The following UPF1 variants were observed in gnomAD, a reference collection of about 807,000 sequenced individuals.
The protein encoded by UPF1 is regulator of nonsense transcripts 1.
UPF1 carries 9 observed loss-of-function variants against 129.2 expected under a neutral mutation model. The observed-to-expected ratio is 0.07, with a 90% CI of 0.04 to 0.12. The LOEUF is 0.12. UPF1 is among the 10% of genes least tolerant of loss of function. The pLI is 1.00. For synonymous variants in UPF1, 649 were observed against 644.9 expected, an observed-to-expected ratio of 1.01 and a Z score of -0.10; for missense variants, 788 against 1,525.3, an observed-to-expected ratio of 0.52 and a Z score of 8.05.
At chr19:18,862,688 C>T (rs1411974356) in intron 18 of UPF1, among the ~76,000 whole-genome samples, 3 of 152,094 alleles carry the variant, frequency 2.0e-5, no homozygotes, top group South Asian at 2.1e-4. Context: ...AAAAATGAGC[C>T]GGGCGTGGTG....
At position 18,852,963 on chromosome 19, in the gene UPF1, G is replaced by A. The variant is rs754285941; in HGVS notation, c.973-24G>A. 2.5e-6 allele frequency: 4 copies of A among 1,602,822 alleles called. No individual in the cohort carries two copies. In the South Asian group the frequency reaches 4.4e-5, roughly 18 times the overall value. ...CGGGCCTGTGCTGGAGGCTAACCGG[G>A]GCTCTTGTTTTTCATGTGCTCAGAC... On this transcript the variant is annotated intron_variant, in intron 6 of 23. Coordinates refer to ENST00000262803, the MANE Select transcript of UPF1 (RefSeq NM_002911.4).
chr19:18,854,842 A>T, intron 9 of UPF1, 37 bp from the exon 10 acceptor site: 2 of 1,612,184 alleles, frequency 1.2e-6, no homozygotes, highest in Non-Finnish European at 1.7e-6. Context: ...AGGCGGCCAC[A>T]GCTGTGCGTG....
intron 1 of UPF1, among the ~76,000 whole-genome samples, chr19:18,839,879 T>G (rs1034778893): frequency 3.3e-5 from 5 of 151,736 alleles, no homozygotes; most frequent in African/African-American, 9.7e-5. Flanking sequence ...GGAGTAGGAG[T>G]GGGCTCCCCT....
Position 18,851,675 on chromosome 19 carries a change from C to T in UPF1, c.811-460C>T, listed in dbSNP as rs1056319671. ...GTTGGTCTGGCTCAGGGTTAGCAGA[C>T]GTGGGAGACAGGCCTCCCGGGCTGT... On this transcript the variant is annotated intron_variant, in intron 5 of 23. Transcript: ENST00000262803. This position sits in a 1 kb window ranked among gnomAD's most constrained non-coding sequence, Gnocchi z 4.2. 4.6e-5 allele frequency among the ~76,000 whole-genome samples: 7 copies of T among 152,224 alleles called. No homozygotes were observed. Among genetic ancestry groups the T allele is most frequent in the Non-Finnish European group, 1.0e-4 (7 of 68,042 alleles).
chr19:18,843,987 C>T (rs981196355), intron 1 of UPF1, among the ~76,000 whole-genome samples: 5 of 151,960 alleles, frequency 3.3e-5, no homozygotes, highest in Admixed American at 6.6e-5. Flanking sequence ...CGGGCTCAAG[C>T]GATCCTCCCA....
chr19:18,840,456 C>T (rs548938299), intron 1 of UPF1, among the ~76,000 whole-genome samples: 2 of 152,244 alleles, frequency 1.3e-5, no homozygotes, highest in South Asian at 4.2e-4. Flanking sequence ...CTCCCCAGAG[C>T]GGCTGCAAGG....
At chr19:18,860,276 C>A in intron 15 of UPF1, 45 bp from the exon 16 acceptor site, 1 of 1,592,036 alleles carries the variant, frequency 6.3e-7, no homozygotes. Flanking sequence ...TCATTTGAGG[C>A]GGGCTAGGGC....
In UPF1 at chr19:18,850,307, T is replaced by TGGCCC. The variant is rs545307857; in HGVS notation, c.629+66_629+70dup. On this transcript the variant is annotated intron_variant, in intron 4 of 23. Transcript: ENST00000262803. The surrounding 1 kb of genome is among the most constrained non-coding windows in gnomAD (Gnocchi z 7.1). ...GCTCCAGCCGTCTCCTCACAAGCCTTGGCCCAGCCCAGCCCAGCCGTGGCT... is the reference window on the plus strand; with the variant it reads ...GCTCCAGCCGTCTCCTCACAAGCCTTGGCCCGGCCCAGCCCAGCCCAGCCGTGGCT... The TGGCCC allele has an allele frequency of 6.6e-6, 10 of 1,515,730 alleles. No homozygotes were observed. Among genetic ancestry groups the TGGCCC allele is most frequent in the Non-Finnish European group, 8.8e-6 (10 of 1,134,508 alleles). 93.9% of individuals were successfully genotyped at this position (1,515,730 alleles called of 1,614,324 possible). A position where few individuals can be genotyped will look rare whatever the true frequency, so the allele number is the denominator to read the frequency against.
At chr19:18,858,208 G>T (rs770785289) in intron 15 of UPF1, among the ~76,000 whole-genome samples, 5 of 152,236 alleles carry the variant, frequency 3.3e-5, no homozygotes, top group Non-Finnish European at 7.3e-5. Context: ...GTGTTGGGCA[G>T]ACTTTTTCCA....
At chr19:18,846,507 G>A (rs1221745261) in intron 2 of UPF1, among the ~76,000 whole-genome samples, 1 of 152,104 alleles carries the variant, frequency 6.6e-6, no homozygotes, top group Non-Finnish European at 1.5e-5. Flanking sequence ...AGTTGCTGCA[G>A]GGTTCTGGGG....
chr19:18,838,827 G>A (rs746080286), intron 1 of UPF1, among the ~76,000 whole-genome samples: 1 of 152,142 alleles, frequency 6.6e-6, no homozygotes, highest in Non-Finnish European at 1.5e-5. Flanking sequence ...CAAATTGTTA[G>A]GAGTTTCCCA....
rs993656291 is a variant in UPF1, at chr19:18,864,161, C to T, written c.2776-9C>T. 1.2e-6 allele frequency: 2 copies of T among 1,613,724 alleles called. No individual in the cohort carries two copies. The highest frequency in any genetic ancestry group is 1.7e-6 in the Non-Finnish European group (2 of 1,179,642). Reference sequence around the variant, plus strand: ...ATGACAAATTCCTCACCTATCTAAACCTTCGCAGGGAGCCCGCTTCATGAC... The same window carrying T: ...ATGACAAATTCCTCACCTATCTAAATCTTCGCAGGGAGCCCGCTTCATGAC... On this transcript the variant is annotated splice_polypyrimidine_tract_variant and intron_variant, in intron 19 of 23. Transcript: ENST00000262803.
rs753936939 is a variant in UPF1, at chr19:18,847,760, G to A, written c.388G>A (p.Asp130Asn). 1.2e-6 allele frequency: 2 copies of A among 1,614,074 alleles called. No homozygotes were observed. The highest frequency in any genetic ancestry group is 1.1e-5 in the South Asian group (1 of 91,092). ...IHACSYCGIH[D>N]PACVVYCNTS... ...ATTTTTTAGTTACTGTGGAATACACGATCCTGCCTGCGTGGTTTACTGTAA... is the reference window on the plus strand; with the variant it reads ...ATTTTTTAGTTACTGTGGAATACACAATCCTGCCTGCGTGGTTTACTGTAA... Residue 130 changes from aspartate to asparagine, a missense_variant, in exon 3 of 24, where the codon GAT (aspartate) becomes AAT (asparagine). Physicochemically the swap from Asp to Asn is conservative, Grantham distance 23. Transcript: ENST00000262803.
chr19:18,861,009 G>T, intron 17 of UPF1, 27 bp downstream of exon 17: 2 of 1,553,360 alleles, frequency 1.3e-6, no homozygotes, highest in African/African-American at 2.7e-5. Flanking sequence ...GGCACACTTG[G>T]TCTCCTGGGC....
At chr19:18,856,327 G>A (rs2055717614) in intron 13 of UPF1, 27 bp downstream of exon 13, 2 of 1,569,246 alleles carry the variant, frequency 1.3e-6, no homozygotes, top group Admixed American at 1.8e-5. Flanking sequence ...CCTGCAAAAG[G>A]GCCTGTGGGC....
intron 16 of UPF1, among the ~76,000 whole-genome samples, 193 bp downstream of exon 16, chr19:18,860,631 T>C (rs1488276230): frequency 6.6e-6 from 1 of 152,236 alleles, no homozygotes; most frequent in Non-Finnish European, 1.5e-5. Context: ...GGGCAGATAC[T>C]TGCTAATCCC....
intron 15 of UPF1, among the ~76,000 whole-genome samples, chr19:18,857,994 C>G (rs1799693443): frequency 1.3e-5 from 2 of 152,202 alleles, no homozygotes; most frequent in Non-Finnish European, 2.9e-5. Flanking sequence ...TGGTGACCCC[C>G]TGGTGCTTCT....
chr19:18,860,475 T>C (rs755974887), intron 16 of UPF1, 37 bp downstream of exon 16: 2 of 1,596,736 alleles, frequency 1.3e-6, no homozygotes, highest in Non-Finnish European at 8.6e-7. Flanking sequence ...CTGCAGGTCT[T>C]GGGGACAGCT....
chr19:18,855,069 G>A (rs763474240), intron 10 of UPF1, 31 bp downstream of exon 10: 25 of 1,612,840 alleles, frequency 1.6e-5, no homozygotes, highest in East Asian at 4.5e-5. Context: ...GCGGGGCCTC[G>A]CCCATGGGCC....
Sources: allele counts gnomAD v4.1 joint callset (sites outside exome capture counted in the v4.1 genomes callset), GRCh38; gene constraint gnomAD v4.1.1; non-coding constraint Gnocchi (gnomAD v3.1); transcripts MANE v1.5; gene names NCBI Gene and HGNC (gene_info 2026-07-23, HGNC 2026-07-21).